Variants in IL1RAPL1 observed in about 807,000 individuals in gnomAD.
IL1RAPL1 encodes interleukin 1 receptor accessory protein like 1, also known as interleukin-1 receptor accessory protein-like 1.
A neutral mutation model predicts 48.4 loss-of-function variants in IL1RAPL1; 3 were observed. That is an observed-to-expected ratio of 0.06 (90% confidence interval 0.03 to 0.16). The LOEUF is 0.16. IL1RAPL1 is among the 10% of genes least tolerant of loss of function. The pLI, the probability that IL1RAPL1 is intolerant of heterozygous loss-of-function variation, is 1.00. For missense variants in IL1RAPL1, 349 were observed against 530.6 expected (o/e 0.66, Z 3.36); for synonymous variants, 185 against 187.7 (o/e 0.99, Z 0.12).
rs369156468 is a variant in IL1RAPL1, at chrX:29,891,913, T to A, written c.779-25551T>A. On this transcript the variant is annotated intron_variant, in intron 6 of 10. Transcript: ENST00000378993. The stretch of plus-strand genomic sequence containing the variant: ...CCTAGAAAGGCTTTGTTAAATAATT[T>A]TCCATGTACCCCATACTCTCACAGA... 4.8e-4 allele frequency among the ~76,000 whole-genome samples: 54 copies of A among 111,918 alleles called. No individual in the cohort carries two copies. In the South Asian group the frequency reaches 0.019, roughly 40 times the overall value.
At chrX:28,614,984 C>G (rs1169148874) in intron 1 of IL1RAPL1, among the ~76,000 whole-genome samples, 6 of 110,377 alleles carry the variant, frequency 5.4e-5, no homozygotes, top group Admixed American at 2.9e-4. Flanking sequence ...CGCCTCCCGG[C>G]TTCACTCCAT....
At chrX:29,222,970 C>T (rs1275433830) in intron 2 of IL1RAPL1, among the ~76,000 whole-genome samples, 1 of 111,297 alleles carries the variant, frequency 9.0e-6, no homozygotes, top group Admixed American at 9.7e-5. Context: ...TATTCAGAAA[C>T]TCTGATAGCA....
At chrX:29,774,951 G>A (rs765541291) in intron 6 of IL1RAPL1, among the ~76,000 whole-genome samples, 12 of 112,093 alleles carry the variant, frequency 1.1e-4, no homozygotes, top group Non-Finnish European at 1.3e-4. Flanking sequence ...ACTGTGCTTT[G>A]GCAATGAAAA....
chrX:29,456,149 A>G (rs1033339141), intron 5 of IL1RAPL1, among the ~76,000 whole-genome samples: 5 of 112,592 alleles, frequency 4.4e-5, no homozygotes, highest in African/African-American at 1.6e-4. Context: ...AAAGCCCGGA[A>G]TTAGAACATC....
chrX:28,777,576 C>A (rs1004398586), intron 1 of IL1RAPL1, among the ~76,000 whole-genome samples: 1 of 111,552 alleles, frequency 9.0e-6, no homozygotes, highest in African/African-American at 3.3e-5. Context: ...ACTTATATTT[C>A]TTTTCCTTGA....
chrX:29,863,513 T>C (rs1237732896), intron 6 of IL1RAPL1, among the ~76,000 whole-genome samples: 2 of 111,589 alleles, frequency 1.8e-5, no homozygotes, highest in Admixed American at 9.5e-5. Context: ...AGGAATAACA[T>C]TGGGACTTGC....
At chrX:29,694,527 T>C (rs1025663947) in intron 6 of IL1RAPL1, among the ~76,000 whole-genome samples, 4 of 111,249 alleles carry the variant, frequency 3.6e-5, no homozygotes, top group African/African-American at 1.3e-4. Flanking sequence ...TAAAATACCA[T>C]AGACTGGGTG....
At chrX:29,470,245 A>G in intron 5 of IL1RAPL1, among the ~76,000 whole-genome samples, 1 of 111,207 alleles carries the variant, frequency 9.0e-6, no homozygotes, top group Non-Finnish European at 1.9e-5. Flanking sequence ...GAAATGTCTC[A>G]CTCTCCTAAG....
intron 2 of IL1RAPL1, among the ~76,000 whole-genome samples, chrX:29,264,543 G>A (rs1931919129): frequency 9.0e-6 from 1 of 110,644 alleles, no homozygotes; most frequent in Non-Finnish European, 1.9e-5. Flanking sequence ...TTTTGTTTTA[G>A]CTCCAGTAGA....
intron 5 of IL1RAPL1, among the ~76,000 whole-genome samples, chrX:29,547,505 A>G (rs1602290299): frequency 8.9e-6 from 1 of 112,015 alleles, no homozygotes; most frequent in South Asian, 3.7e-4. Context: ...AGAATCATGG[A>G]AAAATGCTGG....
intron 2 of IL1RAPL1, among the ~76,000 whole-genome samples, chrX:28,861,232 A>G (rs1439656690): frequency 1.8e-5 from 2 of 111,859 alleles, no homozygotes; most frequent in Admixed American, 1.9e-4. Context: ...ATAAAAAGTG[A>G]TGACAATCGA....
intron 5 of IL1RAPL1, among the ~76,000 whole-genome samples, chrX:29,656,394 G>A (rs1436285979): frequency 9.0e-6 from 1 of 111,039 alleles, no homozygotes; most frequent in Non-Finnish European, 1.9e-5. Context: ...TGAACCCAAT[G>A]TGTAGTCTTT....
rs1932228497 is a variant in IL1RAPL1, at chrX:29,283,120, A to G, written c.265A>G (p.Ile89Val). The G allele has an allele frequency of 8.3e-7, 1 of 1,209,832 alleles. No individual in the cohort carries two copies. Among genetic ancestry groups the G allele is most frequent in the African/African-American group, 1.7e-5 (1 of 57,153 alleles). ...TGGTCCTGGAGACTTTGAAGAGCCA[A>G]TAGCCTTTGACGGAAGTAGAATGAG... Reference protein sequence around the residue: ...SSGPGDFEEPIAFDGSRMSKE... With the variant: ...SSGPGDFEEPVAFDGSRMSKE... The change falls in exon 3 of 11, where the codon ATA becomes GTA. Residue 89 changes from isoleucine to valine, a missense_variant. This residue lies in a region of IL1RAPL1 where 238 missense variants were observed against 337.8 expected (regional missense o/e 0.70). Coordinates refer to ENST00000378993, the MANE Select transcript of IL1RAPL1 (RefSeq NM_014271.4).
chrX:28,887,592 C>G (rs968072937), intron 2 of IL1RAPL1, among the ~76,000 whole-genome samples: 1 of 111,396 alleles, frequency 9.0e-6, no homozygotes, highest in Non-Finnish European at 1.9e-5. Flanking sequence ...TGACAATCAT[C>G]CTATGCATTT....
At chrX:28,780,321 GTGTGTGTGTGTA>G (rs1246462328) in intron 1 of IL1RAPL1, among the ~76,000 whole-genome samples, 3 of 64,779 alleles carry the variant, frequency 4.6e-5, no homozygotes, top group Non-Finnish European at 6.0e-5. Flanking sequence ...TTCAATCACA[GTGTGTGTGTGTA>G]TGTGTGTGTG....
intron 2 of IL1RAPL1, among the ~76,000 whole-genome samples, chrX:28,910,957 C>G (rs1222549268): frequency 9.0e-6 from 1 of 111,307 alleles, no homozygotes; most frequent in Non-Finnish European, 1.9e-5. Flanking sequence ...TATTGAGGCT[C>G]AATCTGTTGA....
intron 2 of IL1RAPL1, among the ~76,000 whole-genome samples, chrX:28,874,554 G>T (rs771138597): frequency 8.9e-6 from 1 of 111,896 alleles, no homozygotes; most frequent in African/African-American, 3.2e-5. Flanking sequence ...ATTATTTCAT[G>T]CCAAACTTAA....
chrX:28,829,198 A>T (rs759410240), intron 2 of IL1RAPL1, among the ~76,000 whole-genome samples: 3 of 111,825 alleles, frequency 2.7e-5, no homozygotes, highest in Non-Finnish European at 3.8e-5. Flanking sequence ...TGAATGCTGT[A>T]TCCTTGCTGA....
intron 6 of IL1RAPL1, among the ~76,000 whole-genome samples, chrX:29,856,894 C>G (rs1931487900): frequency 9.0e-6 from 1 of 111,565 alleles, no homozygotes; most frequent in African/African-American, 3.3e-5. Flanking sequence ...CAGTATTCAG[C>G]AATGCATCCA....
Sources: gnomAD v4.1 joint callset for allele counts (sites outside exome capture counted in the v4.1 genomes callset) on GRCh38, gnomAD v4.1.1 for gene constraint, gnomAD v4.1.1 regional missense constraint, MANE v1.5 for transcripts, NCBI Gene and HGNC (gene_info 2026-07-23, HGNC 2026-07-21) for gene names.